EPB41L1: variants seen among roughly 807,000 people sequenced by gnomAD.
EPB41L1 encodes the protein band 4.1-like protein 1.
EPB41L1 carries 29 observed loss-of-function variants against 97.8 expected under a neutral mutation model. The observed-to-expected ratio is 0.30, with a 90% CI of 0.22 to 0.40. The LOEUF (loss-of-function observed/expected upper bound fraction) is 0.40. EPB41L1 is among the 10% of genes least tolerant of loss of function. The pLI, the probability that EPB41L1 is intolerant of heterozygous loss-of-function variation, is 1.00. For synonymous variants in EPB41L1, 383 were observed against 459.2 expected, an observed-to-expected ratio of 0.83 and a Z score of 2.12; for missense variants, 812 against 1,162.3, an observed-to-expected ratio of 0.70 and a Z score of 4.38.
In EPB41L1 at chr20:36,195,641, T is replaced by G. The variant is rs947684989; in HGVS notation, c.1485+277T>G. On this transcript the variant is annotated intron_variant, in intron 13 of 21. Transcript: ENST00000338074. This position sits in a 1 kb window ranked among gnomAD's most constrained non-coding sequence, Gnocchi z 4.6. ...ACCCTCTCCCCAGCTCACCCGGTCC[T>G]CCATACTTGCAGCTCACCTGCTGAC... is the stretch of plus-strand genomic sequence containing the variant. Among the ~76,000 whole-genome samples the G allele has an allele frequency of 5.4e-5, 8 of 147,336 alleles. No individual in the cohort carries two copies. The highest frequency in any genetic ancestry group is 2.0e-4 in the African/African-American group (8 of 40,654).
At chr20:36,203,193 GT>G (rs1490497365) in intron 14 of EPB41L1, among the ~76,000 whole-genome samples, 1 of 152,330 alleles carries the variant, frequency 6.6e-6, no homozygotes, top group African/African-American at 2.4e-5. Context: ...CACCGTGGAA[GT>G]TTTTTTCTTT....
At chr20:36,205,608 TG>T (rs1451217309) in intron 14 of EPB41L1, among the ~76,000 whole-genome samples, 2 of 152,228 alleles carry the variant, frequency 1.3e-5, no homozygotes, top group African/African-American at 4.8e-5. Flanking sequence ...TTTATCAAGT[TG>T]GGGGCAGTGG....
At chr20:36,185,735 C>T (rs886177918) in intron 7 of EPB41L1, among the ~76,000 whole-genome samples, 11 of 152,318 alleles carry the variant, frequency 7.2e-5, no homozygotes, top group Non-Finnish European at 1.0e-4. Flanking sequence ...CTGGCTCTGC[C>T]ACTTTCTAAC....
intron 1 of EPB41L1, among the ~76,000 whole-genome samples, chr20:36,172,678 G>A (rs1326881802): frequency 2.6e-5 from 4 of 152,106 alleles, no homozygotes; most frequent in African/African-American, 9.7e-5. Context: ...TCAGCTTACT[G>A]CAACCTCCGC....
rs2590975 is a variant in EPB41L1 at position 36,163,997 on chromosome 20, C to T, written c.-15+9101C>T. Among the ~76,000 whole-genome samples the T allele has an allele frequency of 7.6e-3, 1,165 of 152,312 alleles. 8 individuals carry two copies. Among genetic ancestry groups the T allele is most frequent in the African/African-American group, 0.027 (1,122 of 41,550 alleles). On this transcript the variant is annotated intron_variant, in intron 1 of 21. Coordinates refer to ENST00000338074, the MANE Select transcript of EPB41L1 (RefSeq NM_012156.2). ...TAGCTGGGACTACAGGCGCCTGCCA[C>T]CACACCCAGTTAATTTTTATATTTT...
At position 36,212,522 on chromosome 20, in the gene EPB41L1, C is replaced by A; in HGVS notation, c.2184+146C>A. 1 of 701,954 alleles carries A rather than the reference C, an allele frequency of 1.4e-6. No homozygotes were observed. The highest frequency in any genetic ancestry group is 2.5e-6 in the Non-Finnish European group (1 of 402,892). The allele number at this position is 701,954 out of a possible 1,614,324, so 43.5% of individuals were successfully genotyped here. A position where few individuals can be genotyped will look rare whatever the true frequency, so the allele number is the denominator to read the frequency against. On this transcript the variant is annotated intron_variant, in intron 16 of 21. Coordinates refer to ENST00000338074, the MANE Select transcript of EPB41L1 (RefSeq NM_012156.2). This position sits in a 1 kb window ranked among gnomAD's most constrained non-coding sequence, Gnocchi z 4.8. ...ATGTTAATCCTGATGCTCTCCTGTGCCTCAGTGTCCTCTCTGAGCTCTGGG... is the reference window on the plus strand; with the variant it reads ...ATGTTAATCCTGATGCTCTCCTGTGACTCAGTGTCCTCTCTGAGCTCTGGG...
In EPB41L1 at chr20:36,157,173, G is replaced by A. The variant is rs1353232048; in HGVS notation, c.-15+2277G>A. ...CAGGAGGCAGAGGTTGCAGTGAGCC[G>A]ACATCGTGCCACTGCACTCCAGCCT... is the stretch of plus-strand genomic sequence containing the variant. On this transcript the variant is annotated intron_variant, in intron 1 of 21. Coordinates refer to ENST00000338074, the MANE Select transcript of EPB41L1 (RefSeq NM_012156.2). Among the ~76,000 whole-genome samples the A allele has an allele frequency of 2.0e-5, 3 of 152,184 alleles. No homozygotes were observed. In the East Asian group the frequency reaches 5.8e-4, roughly 29 times the overall value.
In EPB41L1 at chr20:36,166,136, G is replaced by A. The variant is rs6058426; in HGVS notation, c.-14-7628G>A. On this transcript the variant is annotated intron_variant, in intron 1 of 21. Transcript: ENST00000338074. ...GCAGCCCAGGTCTCCATCCTCAGTT[G>A]GGTAGACTAGAAATTGTCTCTTTGT... Among the ~76,000 whole-genome samples the A allele has an allele frequency of 3.0e-3, 462 of 152,342 alleles. 6 individuals carry two copies. The highest frequency in any genetic ancestry group is 0.01 in the African/African-American group (435 of 41,568).
At chr20:36,115,708 A>G (rs2147627799) in intron 2 of EPB41L1, among the ~76,000 whole-genome samples, 1 of 152,266 alleles carries the variant, frequency 6.6e-6, no homozygotes, top group East Asian at 1.9e-4. Flanking sequence ...TCTGACCAAC[A>G]TGGTGAAACC....
chr20:36,188,345 A>G lies in EPB41L1; in HGVS notation c.874-2A>G. 6.2e-7 allele frequency: 1 copy of G among 1,613,286 alleles called. No individual in the cohort carries two copies. On this transcript the variant is annotated splice_acceptor_variant, in intron 8 of 21. Transcript: ENST00000338074. LOFTEE classifies it high-confidence loss of function. ...CCCATTCCATGGTCTCTTCTCATGC[A>G]GGACTCTGAGGGCATCGACATCATG...
At chr20:36,165,878 C>T (rs1323442375) in intron 1 of EPB41L1, among the ~76,000 whole-genome samples, 1 of 152,242 alleles carries the variant, frequency 6.6e-6, no homozygotes, top group Non-Finnish European at 1.5e-5. Context: ...ACAGCATGAG[C>T]CCCCTGAGGT....
chr20:36,154,573 C>G (rs1311838553), upstream of EPB41L1, among the ~76,000 whole-genome samples: 2 of 141,506 alleles, frequency 1.4e-5, no homozygotes, highest in African/African-American at 5.2e-5. This position sits in a 1 kb window ranked among gnomAD's most constrained non-coding sequence, Gnocchi z 5.5. Context: ...GGGGCAGGGC[C>G]GCGGCGCGCT....
intron 5 of EPB41L1, among the ~76,000 whole-genome samples, chr20:36,179,090 A>G (rs893567085): frequency 6.6e-6 from 1 of 151,956 alleles, no homozygotes; most frequent in African/African-American, 2.4e-5. Context: ...AAGAAAAAAA[A>G]AAAAAAAGAA....
chr20:36,210,720 A>G (rs1165005753), intron 15 of EPB41L1, among the ~76,000 whole-genome samples: 1 of 152,104 alleles, frequency 6.6e-6, no homozygotes, highest in Admixed American at 6.5e-5. Flanking sequence ...CCCTGGGCAG[A>G]AATATCGCCC....
At chr20:36,123,104 C>G in intron 2 of EPB41L1, among the ~76,000 whole-genome samples, 1 of 151,986 alleles carries the variant, frequency 6.6e-6, no homozygotes, top group East Asian at 1.9e-4. Flanking sequence ...CTCTAGGCCC[C>G]CTCCCATGCT....
At chr20:36,118,582 C>T (rs964909990) in intron 2 of EPB41L1, among the ~76,000 whole-genome samples, 3 of 152,028 alleles carry the variant, frequency 2.0e-5, no homozygotes, top group East Asian at 1.9e-4. Flanking sequence ...TGCACAACTC[C>T]GTATGTAAAT....
At chr20:36,182,226 AGTGGGGT>A in intron 5 of EPB41L1, 39 bp from the exon 6 acceptor site, 1 of 1,567,036 alleles carries the variant, frequency 6.4e-7, no homozygotes, top group Non-Finnish European at 8.8e-7. Context: ...TGGACCACCC[AGTGGGGT>A]GTTAGGGCCT....
At chr20:36,223,759 C>A (rs1452662900) in intron 21 of EPB41L1, among the ~76,000 whole-genome samples, 1 of 152,082 alleles carries the variant, frequency 6.6e-6, no homozygotes, top group Non-Finnish European at 1.5e-5. Flanking sequence ...CAGAAAGGAA[C>A]CTTCTAGGGT....
intron 13 of EPB41L1, among the ~76,000 whole-genome samples, chr20:36,196,246 C>T (rs192867196): frequency 6.6e-6 from 1 of 152,356 alleles, no homozygotes; most frequent in African/African-American, 2.4e-5. Flanking sequence ...CCTCAGGCCC[C>T]AGTCCCCTGT....
Sources: gnomAD v4.1 joint callset for allele counts (sites outside exome capture counted in the v4.1 genomes callset) on GRCh38, gnomAD v4.1.1 for gene constraint, Gnocchi (gnomAD v3.1) non-coding constraint, MANE v1.5 for transcripts, NCBI Gene and HGNC (gene_info 2026-07-23, HGNC 2026-07-21) for gene names.